CENPL: variants seen among roughly 807,000 people sequenced by gnomAD.
CENPL encodes centromere protein L.
In CENPL, 20 loss-of-function variants were observed where a neutral mutation model predicts 35.2. That is an observed-to-expected ratio of 0.57 (90% CI 0.40 to 0.83). CENPL has a LOEUF of 0.83. Among genes scored for constraint, CENPL ranks in the 40% least tolerant of loss-of-function variants. CENPL has a pLI of 0.00. For missense variants in CENPL, 363 were observed against 395.8 expected (o/e 0.92, Z 0.70); for synonymous variants, 140 against 140.6 (o/e 1.00, Z 0.03).
At chr1:173,816,661 T>C (rs1271277771) in intron 2 of CENPL, among the ~76,000 whole-genome samples, 2 of 152,166 alleles carry the variant, frequency 1.3e-5, no homozygotes, top group Non-Finnish European at 2.9e-5. Flanking sequence ...ATCCCTTCCT[T>C]ACACCTTATA....
chr1:173,808,807 A>T (rs898658919), intron 3 of CENPL, among the ~76,000 whole-genome samples: 1 of 152,180 alleles, frequency 6.6e-6, no homozygotes, highest in African/African-American at 2.4e-5. Flanking sequence ...CCTAGGCAAT[A>T]CCATTCAGGA....
At position 173,807,520 on chromosome 1, in the gene CENPL, T is replaced by C; in HGVS notation, c.169-2A>G. ...AACCTTTTGAGGGTCAACATCTTCC[T>C]ATAAAAAAAAATCAAGACAAAAGAA... On this transcript the variant is annotated splice_acceptor_variant, in intron 3 of 5. Transcript: ENST00000682279. LOFTEE classifies it high-confidence loss of function. 1 of 1,452,538 alleles carries C rather than the reference T, an allele frequency of 6.9e-7. No homozygotes were observed. Among genetic ancestry groups the C allele is most frequent in the East Asian group, 2.3e-5 (1 of 42,952 alleles). The allele number at this position is 1,452,538 out of a possible 1,614,324, so 90.0% of individuals were successfully genotyped here.
chr1:173,812,789 G>A (rs989476284), intron 2 of CENPL, among the ~76,000 whole-genome samples: 13 of 152,152 alleles, frequency 8.5e-5, no homozygotes, highest in African/African-American at 1.4e-4. Context: ...ACAGCCCCTC[G>A]CCAGCAACGG....
intron 4 of CENPL, among the ~76,000 whole-genome samples, chr1:173,806,883 T>C (rs1424212507): frequency 6.6e-6 from 1 of 152,086 alleles, no homozygotes; most frequent in Non-Finnish European, 1.5e-5. Flanking sequence ...TAATGATATA[T>C]ATTTTTATAC....
intron 2 of CENPL, chr1:173,823,048 T>A (rs1557850611): frequency 6.6e-6 from 1 of 152,252 alleles, no homozygotes; most frequent in Non-Finnish European, 1.5e-5. Flanking sequence ...TCTGACATAT[T>A]TCTTAAAAAG....
Position 173,808,204 on chromosome 1 carries a change from G to A in CENPL, c.169-686C>T, listed in dbSNP as rs1244844996. Among the ~76,000 whole-genome samples, 7 of 152,098 alleles carry A rather than the reference G, an allele frequency of 4.6e-5. No individual in the cohort carries two copies. In the East Asian group the frequency reaches 1.4e-3, roughly 29 times the overall value. On this transcript the variant is annotated intron_variant, in intron 3 of 5. Coordinates refer to ENST00000682279, the MANE Select transcript of CENPL (RefSeq NM_001387287.1). ...AGGCGGATCACAAGGTCAGGAGTTT[G>A]AGACCAGCCTAGCCAACATGGTAAA...
chr1:173,803,074 C>G lies in CENPL; in HGVS notation c.852G>C (p.Met284Ile), dbSNP rs1437759520. 2 of 1,613,874 alleles carry G rather than the reference C, an allele frequency of 1.2e-6. No individual in the cohort carries two copies. Among genetic ancestry groups the G allele is most frequent in the Non-Finnish European group, 1.7e-6 (2 of 1,179,816 alleles). Reference sequence around the variant, plus strand: ...TATGGAAATGTGAATAAAGGCAATCCATGAATAGGTCAACTTCTTCCTGGG... The same window carrying G: ...TATGGAAATGTGAATAAAGGCAATCGATGAATAGGTCAACTTCTTCCTGGG... Reference protein sequence around the residue: ...EVTQEEVDLFMDCLYSHFHRH... With the variant: ...EVTQEEVDLFIDCLYSHFHRH... Residue 284 changes from methionine (M) to isoleucine (I), a missense_variant, in exon 5 of 6, where the codon ATG (methionine) becomes ATC (isoleucine). Met to Ile is a conservative substitution (Grantham distance 10, BLOSUM62 1). Coordinates refer to ENST00000682279, the MANE Select transcript of CENPL (RefSeq NM_001387287.1).
At chr1:173,812,129 T>C (rs1438379973) in intron 2 of CENPL, among the ~76,000 whole-genome samples, 1 of 152,222 alleles carries the variant, frequency 6.6e-6, no homozygotes, top group Non-Finnish European at 1.5e-5. Context: ...GCGTCCGCCA[T>C]TGCTGAGGCT....
At position 173,807,470 on chromosome 1, in the gene CENPL, T is replaced by A; in HGVS notation, c.217A>T (p.Thr73Ser). The change falls in exon 4 of 6, where the codon ACT (threonine) becomes TCT (serine). Residue 73 changes from threonine (T) to serine (S), a missense_variant. Physicochemically the swap from Thr to Ser is moderately conservative, Grantham distance 58. Coordinates refer to ENST00000682279, the MANE Select transcript of CENPL (RefSeq NM_001387287.1). Reference protein sequence around the residue: ...KVAFLLHKQWTLYSLTPLYKF... With the variant: ...KVAFLLHKQWSLYSLTPLYKF... ...TATAAGGGAGTTAAACTATATAAAG[T>A]CCACTGTTTATGCAGAAGGAATGCA... is the stretch of plus-strand genomic sequence containing the variant. 6.3e-7 allele frequency: 1 copy of A among 1,589,504 alleles called. No individual in the cohort carries two copies. The highest frequency in any genetic ancestry group is 8.6e-7 in the Non-Finnish European group (1 of 1,164,644).
intron 3 of CENPL, among the ~76,000 whole-genome samples, chr1:173,809,298 G>A (rs200474375): frequency 4.0e-5 from 6 of 150,962 alleles, no homozygotes; most frequent in Admixed American, 3.3e-4. Context: ...AGCCAAGATC[G>A]TACCATTGCA....
intron 2 of CENPL, among the ~76,000 whole-genome samples, chr1:173,817,482 G>A (rs549252474): frequency 2.4e-4 from 36 of 152,216 alleles, no homozygotes; most frequent in African/African-American, 7.0e-4. Context: ...TTAGAATGGC[G>A]ATCATTAAAA....
At chr1:173,813,096 G>A (rs937577839) in intron 2 of CENPL, among the ~76,000 whole-genome samples, 7 of 152,276 alleles carry the variant, frequency 4.6e-5, no homozygotes, top group South Asian at 4.1e-4. Flanking sequence ...TCAAATTAAC[G>A]AAATAAAGCG....
At chr1:173,811,339 G>C (rs1650804672) in intron 2 of CENPL, 33 bp from the exon 3 acceptor site, 1 of 1,457,430 alleles carries the variant, frequency 6.9e-7, no homozygotes, top group Non-Finnish European at 9.4e-7. Flanking sequence ...AGAATTCTAA[G>C]CACTAAAAAG....
chr1:173,800,335 G>GA lies in CENPL; in HGVS notation c.*112dup. On this transcript the variant is annotated 3_prime_UTR_variant, in exon 6 of 6. Transcript: ENST00000682279. Reference sequence around the variant, plus strand: ...TTGGCAACTCCAAAGGCATGGTGGGGAAAACAGATGCAGAGATAGATGCCT... The same window carrying GA: ...TTGGCAACTCCAAAGGCATGGTGGGGAAAAACAGATGCAGAGATAGATGCCT... The GA allele has an allele frequency of 1.8e-6, 1 of 540,834 alleles. No homozygotes were observed. Among genetic ancestry groups the GA allele is most frequent in the Non-Finnish European group, 3.4e-6 (1 of 295,708 alleles). 33.5% of individuals were successfully genotyped at this position (540,834 alleles called of 1,614,324 possible).
In CENPL at chr1:173,813,443, C is replaced by T. The variant is rs182817261; in HGVS notation, c.-7-2137G>A. The stretch of plus-strand genomic sequence containing the variant: ...CCAGAGAGAAAGGTCGGGTTACCCA[C>T]AAAGGGAAGCCCATCAGGCTAACAG... On this transcript the variant is annotated intron_variant, in intron 2 of 5. Coordinates refer to ENST00000682279, the MANE Select transcript of CENPL (RefSeq NM_001387287.1). 1.2e-3 allele frequency among the ~76,000 whole-genome samples: 179 copies of T among 152,232 alleles called. 1 individual carries two copies. The highest frequency in any genetic ancestry group is 4.2e-3 in the African/African-American group (176 of 41,542).
chr1:173,809,304 T>A (rs1650572731), intron 3 of CENPL, among the ~76,000 whole-genome samples: 1 of 149,602 alleles, frequency 6.7e-6, no homozygotes, highest in South Asian at 2.1e-4. Context: ...GATCGTACCA[T>A]TGCACTCCAG....
intron 2 of CENPL, among the ~76,000 whole-genome samples, chr1:173,820,643 T>G (rs73037052): frequency 0.025 from 3,745 of 152,282 alleles, 166 homozygotes; most frequent in African/African-American, 0.087. Context: ...CATAGTAGCT[T>G]TATTCATAAT....
chr1:173,814,337 T>C (rs1274855275), intron 2 of CENPL, among the ~76,000 whole-genome samples: 2 of 152,226 alleles, frequency 1.3e-5, no homozygotes, highest in East Asian at 1.9e-4. Context: ...GTGGACCTAA[T>C]AGACATCTAC....
intron 4 of CENPL, among the ~76,000 whole-genome samples, chr1:173,804,275 A>G (rs1650018773): frequency 6.6e-6 from 1 of 152,226 alleles, no homozygotes; most frequent in African/African-American, 2.4e-5. Context: ...GGCATGCAGA[A>G]TATAATCACA....
Sources: allele counts gnomAD v4.1 joint callset (sites outside exome capture counted in the v4.1 genomes callset), GRCh38; gene constraint gnomAD v4.1.1; transcripts MANE v1.5; gene names NCBI Gene and HGNC (gene_info 2026-07-23, HGNC 2026-07-21).